CPNE4: variants seen among roughly 807,000 people sequenced by gnomAD.
The protein encoded by CPNE4 is copine-4.
CPNE4 carries 25 observed loss-of-function variants against 67.9 expected under a neutral mutation model. That is an observed-to-expected ratio of 0.37 (90% confidence interval 0.27 to 0.51). The LOEUF is 0.51. CPNE4 is among the 20% of genes least tolerant of loss of function. The pLI is 0.93. For missense variants in CPNE4, 464 were observed against 690.8 expected (o/e 0.67, Z 3.68); for synonymous variants, 242 against 244.9 (o/e 0.99, Z 0.11).
At chr3:131,851,225 G>A (rs936641811) in intron 2 of CPNE4, among the ~76,000 whole-genome samples, 43 of 152,036 alleles carry the variant, frequency 2.8e-4, no homozygotes, top group African/African-American at 9.9e-4. Flanking sequence ...TAAGGACCTA[G>A]ACATTATCTA....
At chr3:131,627,187 C>T (rs2079096083) in intron 7 of CPNE4, among the ~76,000 whole-genome samples, 1 of 123,304 alleles carries the variant, frequency 8.1e-6, no homozygotes, top group African/African-American at 4.0e-5. Context: ...GAGTGAGACT[C>T]CATCTCAAAA....
chr3:131,808,323 TTGAC>T (rs2084397297), intron 2 of CPNE4, among the ~76,000 whole-genome samples: 1 of 152,120 alleles, frequency 6.6e-6, no homozygotes, highest in Non-Finnish European at 1.5e-5. Context: ...AAAATAACAA[TTGAC>T]TGATATTTTA....
At chr3:131,937,699 A>T (rs945088124) in intron 1 of CPNE4, among the ~76,000 whole-genome samples, 1 of 151,846 alleles carries the variant, frequency 6.6e-6, no homozygotes, top group Non-Finnish European at 1.5e-5. Flanking sequence ...AACAGAAATT[A>T]GATGGGGAAA....
intron 2 of CPNE4, among the ~76,000 whole-genome samples, chr3:131,790,404 T>C (rs887707298): frequency 3.3e-5 from 5 of 152,142 alleles, no homozygotes; most frequent in Non-Finnish European, 7.4e-5. Flanking sequence ...AATTGGGACC[T>C]GTCTGGATAC....
intron 2 of CPNE4, among the ~76,000 whole-genome samples, chr3:131,763,661 A>G (rs2082944115): frequency 6.6e-6 from 1 of 152,124 alleles, no homozygotes; most frequent in Admixed American, 6.6e-5. Context: ...CAAAGGACTG[A>G]AAGGAAATTG....
At chr3:131,795,355 C>A (rs1005192779) in intron 2 of CPNE4, among the ~76,000 whole-genome samples, 2 of 152,178 alleles carry the variant, frequency 1.3e-5, no homozygotes, top group Middle Eastern at 3.2e-3. Context: ...CTGAACAGAA[C>A]CCCTCTTGGC....
At chr3:131,705,814 G>A (rs75243194) in intron 3 of CPNE4, among the ~76,000 whole-genome samples, 20,835 of 152,196 alleles carry the variant, frequency 0.14, 1,643 homozygotes, top group African/African-American at 0.2. Flanking sequence ...GGGAAGGAAT[G>A]GAAGGAGGGT....
chr3:131,616,736 G>C (rs1455506860), intron 7 of CPNE4, among the ~76,000 whole-genome samples: 3 of 151,994 alleles, frequency 2.0e-5, no homozygotes, highest in Non-Finnish European at 4.4e-5. Context: ...GTACAGCTTC[G>C]AATTAATCAG....
chr3:132,037,802 A>G (rs1191839937), upstream of CPNE4: 2 of 556,170 alleles, frequency 3.6e-6, no homozygotes, highest in Non-Finnish European at 6.4e-6. Flanking sequence ...GAAATCCTGG[A>G]ATGAAGCCAG....
intron 1 of CPNE4, among the ~76,000 whole-genome samples, chr3:131,939,102 A>G (rs1057210061): frequency 6.6e-6 from 1 of 152,184 alleles, no homozygotes; most frequent in African/African-American, 2.4e-5. Context: ...TTGTAAACGC[A>G]TATACCCTTT....
At chr3:131,858,040 T>C (rs2086520283) in intron 2 of CPNE4, among the ~76,000 whole-genome samples, 1 of 152,138 alleles carries the variant, frequency 6.6e-6, no homozygotes, top group Non-Finnish European at 1.5e-5. Flanking sequence ...ATATATTTCT[T>C]TAGAGATTTT....
At chr3:131,794,446 T>A (rs2107892419) in intron 2 of CPNE4, among the ~76,000 whole-genome samples, 1 of 152,252 alleles carries the variant, frequency 6.6e-6, no homozygotes, top group African/African-American at 2.4e-5. Flanking sequence ...GGTTTCACCA[T>A]GTTGGCCAGG....
intron 1 of CPNE4, among the ~76,000 whole-genome samples, chr3:131,977,027 C>T (rs1423263606): frequency 6.6e-6 from 1 of 152,028 alleles, no homozygotes; most frequent in Non-Finnish European, 1.5e-5. Context: ...GTCTCGAACT[C>T]CTGACCTCGT....
chr3:131,579,266 T>C (rs554426515), intron 9 of CPNE4, among the ~76,000 whole-genome samples: 1 of 152,344 alleles, frequency 6.6e-6, no homozygotes, highest in South Asian at 2.1e-4. Context: ...GTTTACAGCA[T>C]GATTTACTGA....
intron 3 of CPNE4, among the ~76,000 whole-genome samples, chr3:131,704,184 A>C (rs74673555): frequency 0.12 from 18,801 of 152,128 alleles, 1,267 homozygotes; most frequent in African/African-American, 0.16. Context: ...GCAAGGAAAA[A>C]CTGCCCAGAA....
chr3:131,706,623 C>G (rs919909840), intron 3 of CPNE4, among the ~76,000 whole-genome samples: 3 of 152,166 alleles, frequency 2.0e-5, no homozygotes, highest in African/African-American at 7.2e-5. Context: ...ATACCCTCCT[C>G]CCTTTTGGGA....
intron 3 of CPNE4, among the ~76,000 whole-genome samples, chr3:131,707,764 A>G (rs1375963960): frequency 6.6e-6 from 1 of 152,164 alleles, no homozygotes. Context: ...ACCATTGAGG[A>G]GAGTTCCCTC....
intron 2 of CPNE4, among the ~76,000 whole-genome samples, chr3:131,752,627 ATTT>A (rs2082658200): frequency 6.6e-6 from 1 of 152,120 alleles, no homozygotes. Flanking sequence ...TTTTTGCCAT[ATTT>A]AGTGAGATGA....
intron 1 of CPNE4, among the ~76,000 whole-genome samples, chr3:131,972,753 C>A (rs1583537857): frequency 6.6e-6 from 1 of 152,048 alleles, no homozygotes; most frequent in Admixed American, 6.6e-5. Context: ...ATTTGTTCTT[C>A]CCTCCCTAGC....
Sources: gnomAD v4.1 joint callset for allele counts (sites outside exome capture counted in the v4.1 genomes callset) on GRCh38, gnomAD v4.1.1 for gene constraint, MANE v1.5 for transcripts, NCBI Gene and HGNC (gene_info 2026-07-23, HGNC 2026-07-21) for gene names.